DCP1B: variants seen among roughly 807,000 people sequenced by gnomAD.
DCP1B encodes the protein mRNA-decapping enzyme 1B.
In DCP1B, 47 loss-of-function variants were observed where a neutral mutation model predicts 60.5. That is an observed-to-expected ratio of 0.78 (90% CI 0.61 to 0.99). The LOEUF (loss-of-function observed/expected upper bound fraction) is 0.99. Among genes scored for constraint, DCP1B ranks in the 50% least tolerant of loss-of-function variants. DCP1B has a pLI of 0.00. For synonymous variants in DCP1B, 267 were observed against 280.3 expected (o/e 0.95, Z 0.47); for missense variants, 725 against 756.8 (o/e 0.96, Z 0.49).
chr12:1,992,269 A>C (rs2039609459), intron 3 of DCP1B: 1 of 160,046 alleles, frequency 6.2e-6, no homozygotes, highest in Non-Finnish European at 1.4e-5. Flanking sequence ...TCTCTAAATA[A>C]TAGGATAACC....
chr12:1,986,575 C>A (rs370831474), intron 3 of DCP1B, among the ~76,000 whole-genome samples: 2 of 152,078 alleles, frequency 1.3e-5, no homozygotes, highest in African/African-American at 4.8e-5. Flanking sequence ...TTCCCTGCAA[C>A]TGGCTTCACG....
chr12:1,951,243 C>A (rs181109046), intron 7 of DCP1B, among the ~76,000 whole-genome samples: 549 of 152,274 alleles, frequency 3.6e-3, no homozygotes, highest in Admixed American at 7.8e-3. Context: ...CCATTGTACT[C>A]CAGCCTGGGC....
In DCP1B at chr12:1,993,171, C is replaced by T. The variant is rs769950804; in HGVS notation, c.319+93G>A. ...CTGACACCCCCCATAGCCACTGATACCAAATGCAAACACAATGGCAAACAC... is the reference window on the plus strand; with the variant it reads ...CTGACACCCCCCATAGCCACTGATATCAAATGCAAACACAATGGCAAACAC... On this transcript the variant is annotated intron_variant, in intron 3 of 8. Coordinates refer to ENST00000280665, the MANE Select transcript of DCP1B (RefSeq NM_152640.5). The T allele has an allele frequency of 3.2e-6, 5 of 1,563,688 alleles. No homozygotes were observed. In the South Asian group the frequency reaches 5.6e-5, roughly 17 times the overall value.
rs753056235 is a variant in DCP1B, at chr12:1,955,525, A to T, written c.558T>A (p.Ser186Arg). 1 of 1,613,848 alleles carries T rather than the reference A, an allele frequency of 6.2e-7. No homozygotes were observed. The highest frequency in any genetic ancestry group is 1.1e-5 in the South Asian group (1 of 91,074). The change falls in exon 6 of 9, where the codon AGT becomes AGA. Residue 186 changes from serine to arginine, a missense_variant. Physicochemically the swap from Ser to Arg is moderately radical, Grantham distance 110 (BLOSUM62 -1). Coordinates refer to ENST00000280665, the MANE Select transcript of DCP1B (RefSeq NM_152640.5). ...TTGGATTGTCATAGATGGCAGAGGA[A>T]CTGGTTATCTTTTTTGGCTCAGAAC... The part of the protein sequence containing the change: ...KTCSEPKKIT[S>R]SSAIYDNPNL...
intron 5 of DCP1B, among the ~76,000 whole-genome samples, chr12:1,963,982 C>T (rs541066518): frequency 1.3e-5 from 2 of 152,170 alleles, no homozygotes; most frequent in Admixed American, 6.5e-5. Context: ...GTTCCAACCA[C>T]GTTTATCTAA....
At chr12:1,994,197 T>C (rs1048571459) in intron 2 of DCP1B, among the ~76,000 whole-genome samples, 3 of 152,194 alleles carry the variant, frequency 2.0e-5, no homozygotes, top group African/African-American at 7.2e-5. Flanking sequence ...GTAATTCAAC[T>C]GCGCAACTTC....
downstream of DCP1B, among the ~76,000 whole-genome samples, chr12:1,943,279 A>G (rs192760874): frequency 3.9e-4 from 60 of 152,308 alleles, 1 homozygote; most frequent in East Asian, 0.012. Flanking sequence ...GGCCAATAAC[A>G]AGTTCTGAAA....
chr12:1,974,215 C>T (rs1430286456), intron 3 of DCP1B, among the ~76,000 whole-genome samples: 1 of 152,172 alleles, frequency 6.6e-6, no homozygotes, highest in Non-Finnish European at 1.5e-5. Context: ...ATAATTATCA[C>T]TTCCTGGAAT....
At chr12:1,946,703 G>C (rs2030437271) in intron 8 of DCP1B, among the ~76,000 whole-genome samples, 1 of 152,106 alleles carries the variant, frequency 6.6e-6, no homozygotes, top group Non-Finnish European at 1.5e-5. Context: ...TTTGTTTCTT[G>C]TTTTTTGGGT....
intron 3 of DCP1B, among the ~76,000 whole-genome samples, chr12:1,983,886 T>C (rs934333873): frequency 6.6e-6 from 1 of 152,082 alleles, no homozygotes; most frequent in Non-Finnish European, 1.5e-5. Flanking sequence ...TATCACTTTT[T>C]GCTTCACACA....
chr12:1,944,476 G>C (rs1373856934), downstream of DCP1B, among the ~76,000 whole-genome samples: 1 of 152,152 alleles, frequency 6.6e-6, no homozygotes, highest in Non-Finnish European at 1.5e-5. Context: ...GTATAGCCAA[G>C]ACAATCCTAA....
intron 5 of DCP1B, among the ~76,000 whole-genome samples, chr12:1,963,283 A>G (rs1286207919): frequency 6.6e-6 from 1 of 152,214 alleles, no homozygotes; most frequent in African/African-American, 2.4e-5. Flanking sequence ...GCCTGAGTCA[A>G]TTATTTTAAG....
chr12:1,973,666 G>A lies in DCP1B; in HGVS notation c.320-5756C>T, dbSNP rs375464932. ...AAGGTCATATGGAATCTTTTTCATC[G>A]TATACTAATTTCCTAGTTTTATTTG... On this transcript the variant is annotated intron_variant, in intron 3 of 8. Coordinates refer to ENST00000280665, the MANE Select transcript of DCP1B (RefSeq NM_152640.5). 8.5e-4 allele frequency among the ~76,000 whole-genome samples: 130 copies of A among 152,154 alleles called. 1 individual carries two copies. The highest frequency in any genetic ancestry group is 2.9e-3 in the African/African-American group (120 of 41,520).
intron 3 of DCP1B, among the ~76,000 whole-genome samples, chr12:1,969,028 C>T (rs2031593448): frequency 6.6e-6 from 1 of 152,110 alleles, no homozygotes. Context: ...GCATTAACTA[C>T]ACACACATTT....
At chr12:1,956,494 A>G (rs1481220352) in intron 5 of DCP1B, among the ~76,000 whole-genome samples, 1 of 152,202 alleles carries the variant, frequency 6.6e-6, no homozygotes, top group African/African-American at 2.4e-5. Context: ...GTATTCTCTA[A>G]TCCAACGATC....
At chr12:1,972,079 A>G (rs183345435) in intron 3 of DCP1B, among the ~76,000 whole-genome samples, 44 of 152,378 alleles carry the variant, frequency 2.9e-4, no homozygotes, top group Admixed American at 2.7e-3. Context: ...TCAAAAAGAC[A>G]GGGAAATATG....
rs1264945480 is a variant in DCP1B, at chr12:1,962,020, ACAGGGCCACGTGTGGAAGCCT to A, written c.522+3517_522+3537del. 6.6e-6 allele frequency among the ~76,000 whole-genome samples: 1 copy of A among 152,224 alleles called. No homozygotes were observed. Among genetic ancestry groups the A allele is most frequent in the Non-Finnish European group, 1.5e-5 (1 of 68,038 alleles). On this transcript the variant is annotated intron_variant, in intron 5 of 8. Coordinates refer to ENST00000280665, the MANE Select transcript of DCP1B (RefSeq NM_152640.5). The surrounding 1 kb of genome is among the most constrained non-coding windows in gnomAD (Gnocchi z 4.4). ...GGAGACAAGAGGCATGCCACGCTGC[ACAGGGCCACGTGTGGAAGCCT>A]CAGGGTGTCAGCAGCAAGGGGAAGG...
chr12:1,946,229 C>T lies in DCP1B; in HGVS notation c.1831G>A (p.Ala611Thr), dbSNP rs760142024. ...TGTCACATAGTCTTTTTCATGGCTG[C>T]TTGAGTCATGCTGAAGAGATAGGCT... Reference protein sequence around the residue: ...YEAYLFSMTQAAMKKTM With the variant: ...YEAYLFSMTQTAMKKTM Residue 611 changes from alanine to threonine, a missense_variant, in exon 9 of 9, where the codon GCA becomes ACA. Coordinates refer to ENST00000280665, the MANE Select transcript of DCP1B (RefSeq NM_152640.5). 3.7e-6 allele frequency: 6 copies of T among 1,606,348 alleles called. No homozygotes were observed. Among genetic ancestry groups the T allele is most frequent in the Non-Finnish European group, 4.2e-6 (5 of 1,177,110 alleles).
At chr12:2,004,206 C>T (rs2042869511) in intron 1 of DCP1B, 76 bp downstream of exon 1, 11 of 1,581,306 alleles carry the variant, frequency 7.0e-6, no homozygotes, top group Admixed American at 1.8e-5. Flanking sequence ...CTCACCGGGT[C>T]CTCAAGTCCT....
Sources: allele counts gnomAD v4.1 joint callset (sites outside exome capture counted in the v4.1 genomes callset), GRCh38; gene constraint gnomAD v4.1.1; non-coding constraint Gnocchi (gnomAD v3.1); transcripts MANE v1.5; gene names NCBI Gene and HGNC (gene_info 2026-07-23, HGNC 2026-07-21).